The following TRPM3 variants were observed in gnomAD, a reference collection of about 807,000 sequenced individuals.
TRPM3 encodes long transient receptor potential channel 3.
In TRPM3, 77 loss-of-function variants were observed where a neutral mutation model predicts 181.2. That is an observed-to-expected ratio of 0.42 (90% CI 0.35 to 0.51). The LOEUF is 0.51. Among genes scored for constraint, TRPM3 ranks in the 20% least tolerant of loss-of-function variants. The pLI is 0.01. For missense variants in TRPM3, 1,759 were observed against 2,196.7 expected (o/e 0.80, Z 3.98); for synonymous variants, 745 against 796.4 (o/e 0.94, Z 1.09).
chr9:70,867,533 G>A (rs1012592850), intron 1 of TRPM3, among the ~76,000 whole-genome samples: 4 of 152,118 alleles, frequency 2.6e-5, no homozygotes, highest in South Asian at 2.1e-4. Context: ...ACTGAGAATC[G>A]TTTCTATATC....
intron 1 of TRPM3, among the ~76,000 whole-genome samples, chr9:71,403,128 A>G (rs964804234): frequency 2.6e-5 from 4 of 152,190 alleles, no homozygotes; most frequent in Non-Finnish European, 5.9e-5. Flanking sequence ...CTTTCTAGGA[A>G]AGAGGTTGGC....
chr9:70,685,484 T>C (rs1208147822), intron 8 of TRPM3, among the ~76,000 whole-genome samples: 2 of 152,144 alleles, frequency 1.3e-5, no homozygotes, highest in Non-Finnish European at 2.9e-5. Context: ...TAGCTCAGTA[T>C]AACCTTGAAC....
At chr9:70,953,283 T>C (rs2097025025) in intron 1 of TRPM3, among the ~76,000 whole-genome samples, 1 of 152,160 alleles carries the variant, frequency 6.6e-6, no homozygotes, top group Admixed American at 6.5e-5. Flanking sequence ...AACATAAGGG[T>C]GGATGATTGG....
chr9:71,053,374 T>A (rs763345944), intron 1 of TRPM3, among the ~76,000 whole-genome samples: 1 of 152,060 alleles, frequency 6.6e-6, no homozygotes, highest in Admixed American at 6.6e-5. Flanking sequence ...TTCAGCTCCA[T>A]GCAGATTTTG....
intron 1 of TRPM3, among the ~76,000 whole-genome samples, chr9:71,238,480 A>G (rs1045945933): frequency 1.3e-4 from 20 of 152,104 alleles, no homozygotes; most frequent in Non-Finnish European, 7.4e-5. Flanking sequence ...CCTCTTCCTT[A>G]TCTCTCAGGT....
chr9:70,748,612 T>C (rs914457476), intron 8 of TRPM3, among the ~76,000 whole-genome samples: 2 of 152,048 alleles, frequency 1.3e-5, no homozygotes, highest in Admixed American at 1.3e-4. Context: ...TTAGTGCCCT[T>C]ACGAAAAAGG....
intron 1 of TRPM3, among the ~76,000 whole-genome samples, chr9:71,155,291 A>T (rs920158127): frequency 6.6e-6 from 1 of 151,956 alleles, no homozygotes; most frequent in Admixed American, 6.6e-5. Flanking sequence ...CATTTATTGA[A>T]TACTTACTAT....
At chr9:70,870,039 A>G (rs1306306215) in intron 1 of TRPM3, among the ~76,000 whole-genome samples, 1 of 152,060 alleles carries the variant, frequency 6.6e-6, no homozygotes, top group Admixed American at 6.6e-5. Flanking sequence ...TCTCTTCCCA[A>G]ACACAGAAAT....
At chr9:71,051,552 C>T (rs2060061301) in intron 1 of TRPM3, among the ~76,000 whole-genome samples, 1 of 152,074 alleles carries the variant, frequency 6.6e-6, no homozygotes, top group Non-Finnish European at 1.5e-5. Context: ...GTTAGGGGCT[C>T]CAGGCTAGGC....
chr9:71,443,307 G>A (rs1435928784), intron 1 of TRPM3, among the ~76,000 whole-genome samples: 2 of 151,196 alleles, frequency 1.3e-5, no homozygotes, highest in African/African-American at 4.9e-5. Flanking sequence ...ATATGGGAGA[G>A]AAGATGTTTC....
chr9:71,352,845 C>A (rs952356286), intron 1 of TRPM3, among the ~76,000 whole-genome samples: 3 of 152,114 alleles, frequency 2.0e-5, no homozygotes, highest in African/African-American at 7.2e-5. Context: ...GAGGTGTAAC[C>A]TTTCATATTT....
intron 1 of TRPM3, among the ~76,000 whole-genome samples, chr9:71,051,304 C>G (rs1186519840): frequency 1.3e-5 from 2 of 152,166 alleles, no homozygotes; most frequent in Non-Finnish European, 2.9e-5. Flanking sequence ...AAGTGCTAAA[C>G]AGTTTACTGC....
intron 1 of TRPM3, among the ~76,000 whole-genome samples, chr9:71,154,557 C>T (rs2075890110): frequency 6.6e-6 from 1 of 152,104 alleles, no homozygotes; most frequent in Non-Finnish European, 1.5e-5. Flanking sequence ...CCCCCTCCCT[C>T]CTTCAAAATA....
At chr9:71,288,459 A>C (rs2085494226) in intron 1 of TRPM3, among the ~76,000 whole-genome samples, 1 of 152,198 alleles carries the variant, frequency 6.6e-6, no homozygotes, top group South Asian at 2.1e-4. Flanking sequence ...AGTATGACAG[A>C]AAGTTCCCTA....
intron 5 of TRPM3, among the ~76,000 whole-genome samples, chr9:70,832,198 C>T (rs376969982): frequency 4.7e-5 from 7 of 147,522 alleles, no homozygotes; most frequent in African/African-American, 1.0e-4. Context: ...TGCTAGATGA[C>T]GAGTTAGTGG....
At chr9:70,619,991 T>C in intron 16 of TRPM3, 85 bp downstream of exon 16, 1 of 1,388,378 alleles carries the variant, frequency 7.2e-7, no homozygotes, top group East Asian at 2.3e-5. Flanking sequence ...TCCCTTAAAG[T>C]TCTGAGTAGC....
chr9:70,753,481 T>A (rs1314434912), intron 8 of TRPM3, among the ~76,000 whole-genome samples: 2 of 152,144 alleles, frequency 1.3e-5, no homozygotes, highest in African/African-American at 4.8e-5. Flanking sequence ...TTAGACTGAA[T>A]GACTCAGCTT....
intron 1 of TRPM3, among the ~76,000 whole-genome samples, chr9:70,961,229 A>G (rs1224763636): frequency 3.9e-5 from 6 of 152,150 alleles, no homozygotes; most frequent in Non-Finnish European, 1.5e-5. Context: ...CAAAGAATGC[A>G]GGTGGTCTCT....
intron 6 of TRPM3, among the ~76,000 whole-genome samples, chr9:70,814,711 A>C (rs1315251424): frequency 2.0e-5 from 3 of 152,094 alleles, no homozygotes; most frequent in Non-Finnish European, 2.9e-5. Flanking sequence ...AGAAGTAAGC[A>C]AGAGAAAAGA....
Sources: allele counts gnomAD v4.1 joint callset (sites outside exome capture counted in the v4.1 genomes callset), GRCh38; gene constraint gnomAD v4.1.1; transcripts MANE v1.5; gene names NCBI Gene and HGNC (gene_info 2026-07-23, HGNC 2026-07-21).